The following UBTF variants were observed in gnomAD, a reference collection of about 807,000 sequenced individuals.
UBTF encodes the protein upstream binding transcription factor.
A neutral mutation model predicts 112.3 loss-of-function variants in UBTF; 8 were observed. The ratio of observed to expected loss-of-function variants is 0.07; its 90% confidence interval spans 0.04 to 0.13. The LOEUF (loss-of-function observed/expected upper bound fraction) is 0.13. Ranked by LOEUF, UBTF falls within the 10% of genes least tolerant of loss-of-function variation. The pLI is 1.00. For synonymous variants in UBTF, 417 were observed against 373.1 expected, an observed-to-expected ratio of 1.12 and a Z score of -1.36; for missense variants, 457 against 982.1, an observed-to-expected ratio of 0.47 and a Z score of 7.15.
At position 44,219,518 on chromosome 17, in the gene UBTF, C is replaced by G. The variant is rs2047056402; in HGVS notation, c.-141G>C. On this transcript the variant is annotated 5_prime_UTR_variant, in exon 1 of 21. Coordinates refer to ENST00000436088, the MANE Select transcript of UBTF (RefSeq NM_014233.4). ...GGCTCTGAGTGGCGGCGCCCTCCCC[C>G]GCTCGGCCGGGCACAGCCGCAGCTC... The G allele has an allele frequency of 6.6e-6, 1 of 152,642 alleles. No individual in the cohort carries two copies. The highest frequency in any genetic ancestry group is 6.6e-5 in the Admixed American group (1 of 15,216). The allele number at this position is 152,642 out of a possible 1,614,324, so 9.5% of individuals were successfully genotyped here. A position where few individuals can be genotyped will look rare whatever the true frequency, so the allele number is the denominator to read the frequency against.
chr17:44,210,723 GC>G (rs1240075615), intron 13 of UBTF, 68 bp downstream of exon 13: 31 of 1,536,840 alleles, frequency 2.0e-5, no homozygotes, highest in Non-Finnish European at 2.6e-5. Flanking sequence ...AGGTGGCACG[GC>G]CCGCCAAGGG....
At chr17:44,220,734 A>G (rs1368899295), upstream of UBTF, 1 of 151,414 alleles carries the variant, frequency 6.6e-6, no homozygotes, top group Non-Finnish European at 1.5e-5. Context: ...TCCCGGGCTC[A>G]CTTACCGAGC....
At chr17:44,221,194 C>T (rs2047171127), upstream of UBTF, 1 of 152,136 alleles carries the variant, frequency 6.6e-6, no homozygotes, top group African/African-American at 2.4e-5. Context: ...CCCCAGCTCG[C>T]ACTCACCTGC....
At position 44,206,950 on chromosome 17, in the gene UBTF, G is replaced by T; in HGVS notation, c.*292C>A. On this transcript the variant is annotated 3_prime_UTR_variant, in exon 21 of 21. Transcript: ENST00000436088. ...CCGGTCCATTGTCCATGCCGGAACCGCAAGTGCAGAAGTGGGTGGGGTGGG... is the reference window on the plus strand; with the variant it reads ...CCGGTCCATTGTCCATGCCGGAACCTCAAGTGCAGAAGTGGGTGGGGTGGG... The T allele has an allele frequency of 2.0e-6, 1 of 496,790 alleles. No homozygotes were observed. Among genetic ancestry groups the T allele is most frequent in the Non-Finnish European group, 3.5e-6 (1 of 283,066 alleles). 30.8% of individuals were successfully genotyped at this position (496,790 alleles called of 1,614,324 possible).
At chr17:44,213,805 A>T (rs2046702913) in intron 5 of UBTF, among the ~76,000 whole-genome samples, 2 of 152,018 alleles carry the variant, frequency 1.3e-5, no homozygotes, top group South Asian at 4.1e-4. Flanking sequence ...ACCCAGAGCG[A>T]GTTCTTCCAA....
chr17:44,218,364 C>T, intron 1 of UBTF, 68 bp from the exon 2 acceptor site: 5 of 896,986 alleles, frequency 5.6e-6, no homozygotes, highest in Non-Finnish European at 8.8e-6. Flanking sequence ...TTTCTAACCG[C>T]CCAGAGTAGA....
rs148865369 is a variant in UBTF, at chr17:44,210,419, C to T, written c.1414G>A (p.Gly472Ser). 1.1e-4 allele frequency: 176 copies of T among 1,613,850 alleles called. No homozygotes were observed. The highest frequency in any genetic ancestry group is 5.2e-4 in the Admixed American group (31 of 59,980). Reference protein sequence around the residue: ...ALKAQSERKPGGEREERGKLP... With the variant: ...ALKAQSERKPSGEREERGKLP... ...TTGCCCCGTTCCTCGCGCTCCCCGC[C>T]GGGCTTCCTCTCCGACTGAGCCTTG... Residue 472 changes from glycine (G) to serine (S), a missense_variant, in exon 14 of 21, where the codon GGC becomes AGC. This residue lies in a region of UBTF where 108 missense variants were observed against 137.4 expected (regional missense o/e 0.79). Transcript: ENST00000436088.
At chr17:44,213,758 T>G (rs2046699983) in intron 5 of UBTF, among the ~76,000 whole-genome samples, 1 of 152,202 alleles carries the variant, frequency 6.6e-6, no homozygotes, top group Non-Finnish European at 1.5e-5. Flanking sequence ...GGCTGAGTCC[T>G]GTTTCCAAGG....
At chr17:44,220,297 C>T (rs2047121026), upstream of UBTF, among the ~76,000 whole-genome samples, 1 of 151,674 alleles carries the variant, frequency 6.6e-6, no homozygotes, top group East Asian at 2.0e-4. Flanking sequence ...CGCCCACAGC[C>T]CTGCTCCGGA....
upstream of UBTF, among the ~76,000 whole-genome samples, chr17:44,219,912 C>T (rs993602336): frequency 1.3e-5 from 2 of 151,072 alleles, no homozygotes; most frequent in African/African-American, 4.9e-5. Flanking sequence ...GCCGGCTCCG[C>T]TCCCTCCCAC....
At chr17:44,213,027 C>A in intron 6 of UBTF, 88 bp from the exon 7 acceptor site, 2 of 1,573,890 alleles carry the variant, frequency 1.3e-6, no homozygotes, top group Non-Finnish European at 1.7e-6. Context: ...GCCTCCTGGG[C>A]CTTTCAGCTG....
At chr17:44,216,410 C>T (rs973345438) in intron 3 of UBTF, 119 bp downstream of exon 3, 15 of 1,223,696 alleles carry the variant, frequency 1.2e-5, no homozygotes, top group African/African-American at 4.5e-5. Flanking sequence ...AGAGAGCTAA[C>T]GGGAGACCAC....
At position 44,219,598 on chromosome 17, in the gene UBTF, C is replaced by T. The variant is rs997966073; in HGVS notation, c.-221G>A. On this transcript the variant is annotated 5_prime_UTR_variant, in exon 1 of 21. Coordinates refer to ENST00000436088, the MANE Select transcript of UBTF (RefSeq NM_014233.4). ...GGGCGAGGCGGCGGCGCTGGGGCGG[C>T]GGCTGCTGCTGCTGTGGCGGCGGCG... 2.2e-5 allele frequency: 3 copies of T among 136,612 alleles called. No homozygotes were observed. Among genetic ancestry groups the T allele is most frequent in the Non-Finnish European group, 4.2e-5 (3 of 70,884 alleles). 8.5% of individuals were successfully genotyped at this position (136,612 alleles called of 1,614,324 possible).
At chr17:44,217,932 C>T (rs2046928574) in intron 2 of UBTF, among the ~76,000 whole-genome samples, 3 of 152,208 alleles carry the variant, frequency 2.0e-5, no homozygotes, top group African/African-American at 4.8e-5. Flanking sequence ...GAAGGCAGGC[C>T]TCCTCTAACA....
Position 44,206,886 on chromosome 17 carries a change from G to A in UBTF, c.*356C>T, listed in dbSNP as rs955216334. 7.4e-5 allele frequency: 28 copies of A among 380,576 alleles called. No individual in the cohort carries two copies. The highest frequency in any genetic ancestry group is 1.2e-4 in the Admixed American group (3 of 24,040). The allele number at this position is 380,576 out of a possible 1,614,324, so 23.6% of individuals were successfully genotyped here. On this transcript the variant is annotated 3_prime_UTR_variant, in exon 21 of 21. Coordinates refer to ENST00000436088, the MANE Select transcript of UBTF (RefSeq NM_014233.4). ...CTTGGATTGGGCCGCAGGTGTGGAG[G>A]GCCTCATCAAACTCTTTGGGACCCC... is the stretch of plus-strand genomic sequence containing the variant.
chr17:44,212,897 G>A lies in UBTF; in HGVS notation c.582C>T (p.Asp194=). The change falls in exon 7 of 21, where the codon GAC becomes GAT. Residue 194 remains aspartate, a synonymous_variant. Coordinates refer to ENST00000436088, the MANE Select transcript of UBTF (RefSeq NM_014233.4). ...PDLIQNAKKS[D]IPEKPKTPQQ... ...GGGGGGTTTTGGGCTTCTCTGGGAT[G>A]TCCGATTTCTTGGCATTCTGGATTA... 6.2e-7 allele frequency: 1 copy of A among 1,614,106 alleles called. No individual in the cohort carries two copies. The highest frequency in any genetic ancestry group is 8.5e-7 in the Non-Finnish European group (1 of 1,179,954).
intron 14 of UBTF, 37 bp from the exon 15 acceptor site, chr17:44,210,271 C>A (rs755760069): frequency 1.9e-6 from 3 of 1,614,240 alleles, no homozygotes; most frequent in Non-Finnish European, 2.5e-6. Context: ...TGGGAGGGGT[C>A]ACCCGGGGCT....
chr17:44,220,362 C>T (rs1598281356), upstream of UBTF, among the ~76,000 whole-genome samples: 1 of 151,914 alleles, frequency 6.6e-6, no homozygotes, highest in South Asian at 2.1e-4. Flanking sequence ...AGCTCTCTCC[C>T]GCCTCCCGGA....
At chr17:44,216,060 C>T (rs1182336579) in intron 3 of UBTF, 71 bp from the exon 4 acceptor site, 2 of 1,229,222 alleles carry the variant, frequency 1.6e-6, no homozygotes, top group East Asian at 2.3e-5. Context: ...ATACCCCCAT[C>T]TTATAACGGG....
Sources: gnomAD v4.1 joint callset for allele counts (sites outside exome capture counted in the v4.1 genomes callset) on GRCh38, gnomAD v4.1.1 for gene constraint, gnomAD v4.1.1 regional missense constraint, MANE v1.5 for transcripts, NCBI Gene and HGNC (gene_info 2026-07-23, HGNC 2026-07-21) for gene names.